The following PPEF1 variants were observed in gnomAD, a reference collection of about 807,000 sequenced individuals.
PPEF1 encodes the protein protein phosphatase with EF-hand domain 1, also known as serine/threonine-protein phosphatase with EF-hands 1.
PPEF1 carries 12 observed loss-of-function variants against 53.3 expected under a neutral mutation model. The observed-to-expected ratio is 0.23, with a 90% CI of 0.14 to 0.36. PPEF1 has a LOEUF of 0.36. PPEF1 is among the 10% of genes least tolerant of loss of function. The pLI is 1.00. For synonymous variants in PPEF1, 165 were observed against 176.7 expected (o/e 0.93, Z 0.52); for missense variants, 334 against 490.4 (o/e 0.68, Z 3.01).
intron 5 of PPEF1, among the ~76,000 whole-genome samples, 178 bp downstream of exon 5, chrX:18,757,919 G>A (rs1230292355): frequency 8.9e-6 from 1 of 111,998 alleles, no homozygotes; most frequent in Non-Finnish European, 1.9e-5. Flanking sequence ...CCAGCTGGCA[G>A]GAATTAATTA....
At chrX:18,766,899 A>T (rs2147528127) in intron 6 of PPEF1, among the ~76,000 whole-genome samples, 1 of 111,532 alleles carries the variant, frequency 9.0e-6, no homozygotes. Context: ...AATACAAAAA[A>T]AAATTAGCTT....
intron 6 of PPEF1, among the ~76,000 whole-genome samples, chrX:18,768,539 C>G (rs2045819426): frequency 8.9e-6 from 1 of 112,358 alleles, no homozygotes; most frequent in Admixed American, 9.4e-5. Context: ...TTCAAGACTT[C>G]TATCATTATA....
intron 12 of PPEF1, among the ~76,000 whole-genome samples, chrX:18,808,644 T>C (rs1180276390): frequency 1.8e-5 from 2 of 110,243 alleles, no homozygotes; most frequent in East Asian, 5.7e-4. Context: ...CCAACAGGTA[T>C]ACGAAAAGAT....
At chrX:18,692,660 T>C (rs1929469649) in intron 4 of PPEF1, among the ~76,000 whole-genome samples, 1 of 111,275 alleles carries the variant, frequency 9.0e-6, no homozygotes, top group Non-Finnish European at 1.9e-5. Context: ...AGCCTCCTCA[T>C]TGGTCTTCCT....
At chrX:18,739,720 C>G (rs939850232) in intron 3 of PPEF1, among the ~76,000 whole-genome samples, 2 of 112,311 alleles carry the variant, frequency 1.8e-5, no homozygotes, top group African/African-American at 6.5e-5. Flanking sequence ...TCAGCTATGC[C>G]CTGCCCCCAG....
At chrX:18,772,365 C>A (rs776354880) in intron 6 of PPEF1, among the ~76,000 whole-genome samples, 10 of 111,288 alleles carry the variant, frequency 9.0e-5, no homozygotes, top group African/African-American at 3.3e-4. Flanking sequence ...CAGCTGTATT[C>A]TCTTATTTGT....
chrX:18,762,767 C>T (rs1258274153), intron 6 of PPEF1, among the ~76,000 whole-genome samples: 1 of 111,686 alleles, frequency 9.0e-6, no homozygotes, highest in African/African-American at 3.3e-5. Flanking sequence ...CTCTTGTTGC[C>T]ATCTCGGTTT....
chrX:18,766,296 A>G (rs1368035196), intron 6 of PPEF1, among the ~76,000 whole-genome samples: 1 of 110,802 alleles, frequency 9.0e-6, no homozygotes, highest in Non-Finnish European at 1.9e-5. Flanking sequence ...TGATTTACCA[A>G]AGTCAGGATT....
At chrX:18,675,245 G>A (rs1302918935), upstream of PPEF1, among the ~76,000 whole-genome samples, 1 of 113,385 alleles carries the variant, frequency 8.8e-6, no homozygotes. Flanking sequence ...CAATCGAGGC[G>A]CCGGCGGGGC....
chrX:18,818,136 A>G lies in PPEF1; in HGVS notation c.1492A>G (p.Arg498Gly), dbSNP rs772794064. The change falls in exon 13 of 16, where the codon AGA becomes GGA. Residue 498 changes from arginine (R) to glycine (G), a missense_variant. By Grantham distance (125) the Arg-to-Gly change is moderately radical. Transcript: ENST00000470157. ...TCGTGCTTTCCAACTTCAAGACCAC[A>G]GAAAATCAGGTAACAAATTTGCATA... The part of the protein sequence containing the change: ...LTRAFQLQDH[R>G]KSGKLSVSQW... 35 of 1,180,574 alleles carry G rather than the reference A, an allele frequency of 3.0e-5. No homozygotes were observed. The South Asian group carries it at 6.4e-4, about 22-fold the overall frequency.
intron 5 of PPEF1, among the ~76,000 whole-genome samples, chrX:18,699,451 G>A (rs1046718210): frequency 6.3e-5 from 7 of 111,617 alleles, no homozygotes; most frequent in East Asian, 2.8e-4. Flanking sequence ...TTGAAAACAC[G>A]TATGCTGTGT....
chrX:18,738,713 A>C (rs752921842), intron 3 of PPEF1, among the ~76,000 whole-genome samples: 6 of 112,527 alleles, frequency 5.3e-5, no homozygotes, highest in South Asian at 7.3e-4. Flanking sequence ...TAATATCCTG[A>C]AGAGTGTTTT....
At chrX:18,681,219 C>T (rs191698779), upstream of PPEF1, among the ~76,000 whole-genome samples, 165 of 111,663 alleles carry the variant, frequency 1.5e-3, no homozygotes, top group Middle Eastern at 9.2e-3. Flanking sequence ...CCTCGTGATC[C>T]GCCCACCTTG....
At chrX:18,693,506 ATC>A (rs1484111046) in intron 4 of PPEF1, among the ~76,000 whole-genome samples, 1 of 112,408 alleles carries the variant, frequency 8.9e-6, no homozygotes, top group East Asian at 2.8e-4. Context: ...ATGTGGGCGT[ATC>A]TCTGCAAAAA....
chrX:18,764,550 A>G (rs191496576), intron 6 of PPEF1, among the ~76,000 whole-genome samples: 1 of 111,363 alleles, frequency 9.0e-6, no homozygotes, highest in East Asian at 2.8e-4. Context: ...TTGACCATGA[A>G]ATGGAGATTC....
chrX:18,820,523 C>T (rs1368205683), intron 13 of PPEF1, among the ~76,000 whole-genome samples: 1 of 110,072 alleles, frequency 9.1e-6, no homozygotes, highest in East Asian at 2.9e-4. Context: ...GTAGCTGGGA[C>T]TACAGGCGTG....
intron 4 of PPEF1, among the ~76,000 whole-genome samples, chrX:18,754,246 A>G (rs1396455254): frequency 9.0e-6 from 1 of 111,170 alleles, no homozygotes; most frequent in Non-Finnish European, 1.9e-5. Context: ...TATTTTCCAG[A>G]GTTCTGACAA....
chrX:18,707,572 G>A (rs190891201), upstream of PPEF1: 9 of 388,297 alleles, frequency 2.3e-5, no homozygotes, highest in Admixed American at 2.4e-4. Flanking sequence ...CAGAAGAAGC[G>A]TAAAATGAAT....
upstream of PPEF1, among the ~76,000 whole-genome samples, chrX:18,682,515 T>TG (rs1218258394): frequency 9.0e-6 from 1 of 111,692 alleles, no homozygotes; most frequent in East Asian, 2.8e-4. Context: ...GACCTGAGGA[T>TG]GGAGCGGACA....
Sources: gnomAD v4.1 joint callset for allele counts (sites outside exome capture counted in the v4.1 genomes callset) on GRCh38, gnomAD v4.1.1 for gene constraint, MANE v1.5 for transcripts, NCBI Gene and HGNC (gene_info 2026-07-23, HGNC 2026-07-21) for gene names.